The following SOX6 variants were observed in gnomAD, a reference collection of about 807,000 sequenced individuals.
SOX6 encodes the protein SRY-box transcription factor 6.
Under a neutral mutation model 97.8 loss-of-function variants are expected in SOX6, and 11 were observed. The observed-to-expected ratio is 0.11, with a 90% CI of 0.07 to 0.19. The LOEUF (loss-of-function observed/expected upper bound fraction) is 0.19, where lower values mean the gene tolerates loss of function less well. Ranked by LOEUF, SOX6 falls within the 10% of genes least tolerant of loss-of-function variation. SOX6 has a pLI of 1.00. For missense variants in SOX6, 810 were observed against 1,039.5 expected, an observed-to-expected ratio of 0.78 and a Z score of 3.04; for synonymous variants, 360 against 371.4, an observed-to-expected ratio of 0.97 and a Z score of 0.35.
At chr11:16,680,255 ATT>A (rs1847916254) in intron 3 of SOX6, among the ~76,000 whole-genome samples, 1 of 152,196 alleles carries the variant, frequency 6.6e-6, no homozygotes, top group Admixed American at 6.5e-5. Flanking sequence ...ACTAACAGAG[ATT>A]TCTCTGCAGA....
At chr11:16,218,495 C>T (rs1008524084) in intron 4 of SOX6, among the ~76,000 whole-genome samples, 1 of 152,038 alleles carries the variant, frequency 6.6e-6, no homozygotes, top group Non-Finnish European at 1.5e-5. Flanking sequence ...AGACAACTTG[C>T]ATTTTGCCCT....
intron 4 of SOX6, among the ~76,000 whole-genome samples, chr11:16,523,535 G>T (rs982113224): frequency 5.9e-5 from 9 of 151,854 alleles, no homozygotes; most frequent in African/African-American, 2.2e-4. Flanking sequence ...AAGCAGGAAA[G>T]ATCTAAAATT....
chr11:16,033,026 G>A (rs1654342297), intron 12 of SOX6, among the ~76,000 whole-genome samples: 1 of 152,010 alleles, frequency 6.6e-6, no homozygotes, highest in Admixed American at 6.5e-5. Context: ...TCTATTGTCT[G>A]GTTCCTTTTC....
intron 4 of SOX6, among the ~76,000 whole-genome samples, chr11:16,203,261 A>C (rs1851986970): frequency 2.6e-5 from 4 of 152,102 alleles, no homozygotes; most frequent in Admixed American, 2.6e-4. Context: ...ATAAAAATTT[A>C]GCTTTCTGAC....
chr11:16,596,908 A>T (rs190833416), intron 4 of SOX6, among the ~76,000 whole-genome samples: 8 of 152,294 alleles, frequency 5.3e-5, no homozygotes, highest in African/African-American at 1.9e-4. Context: ...TGTACGGGAA[A>T]TGCAGCAATA....
At chr11:16,415,480 A>T (rs1858908858) in intron 1 of SOX6, among the ~76,000 whole-genome samples, 1 of 152,158 alleles carries the variant, frequency 6.6e-6, no homozygotes, top group Non-Finnish European at 1.5e-5. Context: ...ACATAGGAGA[A>T]TCTAGTTTTC....
intron 6 of SOX6, among the ~76,000 whole-genome samples, chr11:16,128,351 C>T (rs1161416537): frequency 6.6e-6 from 1 of 152,164 alleles, no homozygotes; most frequent in Non-Finnish European, 1.5e-5. Flanking sequence ...TTGACATATA[C>T]ACATATGTAT....
chr11:16,197,983 A>G (rs1851829019), intron 4 of SOX6, among the ~76,000 whole-genome samples: 2 of 152,212 alleles, frequency 1.3e-5, no homozygotes, highest in Admixed American at 6.5e-5. Flanking sequence ...TCACACTAGG[A>G]CATTCGTCAC....
At chr11:16,230,182 T>C (rs973567918) in intron 4 of SOX6, among the ~76,000 whole-genome samples, 9 of 151,866 alleles carry the variant, frequency 5.9e-5, no homozygotes, top group African/African-American at 2.2e-4. Context: ...AAAAAGGATA[T>C]TTTAATCAAG....
At chr11:16,001,023 AT>A (rs148397014) in intron 13 of SOX6, among the ~76,000 whole-genome samples, 1 of 150,718 alleles carries the variant, frequency 6.6e-6, no homozygotes, top group African/African-American at 2.4e-5. Context: ...TACCCAGCTA[AT>A]TTTTTTTTAT....
At chr11:16,188,135 T>C (rs762628874) in intron 4 of SOX6, among the ~76,000 whole-genome samples, 6 of 151,300 alleles carry the variant, frequency 4.0e-5, no homozygotes, top group Non-Finnish European at 7.4e-5. Flanking sequence ...GGCTAGCACT[T>C]GTTAGTATAT....
chr11:16,663,718 T>C (rs905311814), intron 3 of SOX6, among the ~76,000 whole-genome samples: 1 of 152,238 alleles, frequency 6.6e-6, no homozygotes, highest in Admixed American at 6.5e-5. Context: ...AAAGGATTTG[T>C]ATATATTAGC....
intron 1 of SOX6, among the ~76,000 whole-genome samples, chr11:16,417,471 C>T (rs1375070569): frequency 3.9e-5 from 6 of 152,162 alleles, no homozygotes; most frequent in Non-Finnish European, 8.8e-5. Flanking sequence ...CAGATGATGC[C>T]ATAGTCTTCT....
intron 1 of SOX6, among the ~76,000 whole-genome samples, chr11:16,471,954 GT>G (rs1349221642): frequency 3.3e-5 from 5 of 152,178 alleles, no homozygotes; most frequent in Non-Finnish European, 7.4e-5. Flanking sequence ...ACTAAAAGAT[GT>G]TTGGTTTTTT....
At chr11:16,043,981 A>C (rs1003769527) in intron 12 of SOX6, among the ~76,000 whole-genome samples, 4 of 152,142 alleles carry the variant, frequency 2.6e-5, no homozygotes, top group African/African-American at 9.7e-5. Context: ...GCTTCCTATG[A>C]GGTTGCTAGA....
intron 4 of SOX6, among the ~76,000 whole-genome samples, chr11:16,585,237 T>G (rs1325767555): frequency 1.3e-5 from 2 of 152,216 alleles, no homozygotes; most frequent in Non-Finnish European, 2.9e-5. Flanking sequence ...AAATAAAGTA[T>G]TTTGAATAAT....
Position 16,086,939 on chromosome 11 carries a change from A to G in SOX6, c.1101+9057T>C, listed in dbSNP as rs1017776954. On this transcript the variant is annotated intron_variant, in intron 9 of 15. Transcript: ENST00000683767. ...GTTGCCTTTAATTCACTTGAATATTATAACAAGAGAAGAATAAATTATACA... is the reference window on the plus strand; with the variant it reads ...GTTGCCTTTAATTCACTTGAATATTGTAACAAGAGAAGAATAAATTATACA... 2.0e-5 allele frequency among the ~76,000 whole-genome samples: 3 copies of G among 152,222 alleles called. No homozygotes were observed. The East Asian group carries it at 5.8e-4, about 29-fold the overall frequency.
rs537197992 is a variant in SOX6, at chr11:16,183,146, T to A, written c.777+740A>T. Reference sequence around the variant, plus strand: ...AGAAGTCACACACCTATATTTCTATTTGGAAAGGGAAACCATTTTCCTTGC... The same window carrying A: ...AGAAGTCACACACCTATATTTCTATATGGAAAGGGAAACCATTTTCCTTGC... On this transcript the variant is annotated intron_variant, in intron 6 of 15. Transcript: ENST00000683767. 2.0e-5 allele frequency among the ~76,000 whole-genome samples: 3 copies of A among 152,032 alleles called. No homozygotes were observed. In the South Asian group the frequency reaches 6.2e-4, roughly 31 times the overall value.
At chr11:16,724,195 T>C (rs923719856) in intron 2 of SOX6, among the ~76,000 whole-genome samples, 6 of 152,156 alleles carry the variant, frequency 3.9e-5, no homozygotes, top group Non-Finnish European at 8.8e-5. Flanking sequence ...TGCAGAAAAT[T>C]ATTTGCAAGT....
Sources: gnomAD v4.1 joint callset for allele counts (sites outside exome capture counted in the v4.1 genomes callset) on GRCh38, gnomAD v4.1.1 for gene constraint, MANE v1.5 for transcripts, NCBI Gene and HGNC (gene_info 2026-07-23, HGNC 2026-07-21) for gene names.